Variants in HPN observed in about 807,000 individuals in gnomAD.
HPN encodes the protein hepsin.
A neutral mutation model predicts 55.9 loss-of-function variants in HPN; 13 were observed. The observed-to-expected ratio is 0.23, with a 90% CI of 0.15 to 0.37. The LOEUF (loss-of-function observed/expected upper bound fraction) is 0.37, where lower values mean the gene tolerates loss of function less well. Ranked by LOEUF, HPN falls within the 10% of genes least tolerant of loss-of-function variation. The pLI is 1.00. For missense variants in HPN, 451 were observed against 575.8 expected, an observed-to-expected ratio of 0.78 and a Z score of 2.22; for synonymous variants, 225 against 240.3, an observed-to-expected ratio of 0.94 and a Z score of 0.59.
At chr19:35,045,553 G>A (rs1312286153) in intron 2 of HPN, among the ~76,000 whole-genome samples, 2 of 152,156 alleles carry the variant, frequency 1.3e-5, no homozygotes, top group African/African-American at 4.8e-5. Flanking sequence ...GGAGAAGCAG[G>A]GGCAGAGAGT....
At chr19:35,050,414 G>C (rs150398713) in intron 4 of HPN, 1 of 863,264 alleles carries the variant, frequency 1.2e-6, no homozygotes, top group African/African-American at 2.9e-5. Flanking sequence ...GAGCCACTGC[G>C]CCTGTCCCTG....
At position 35,049,404 on chromosome 19, in the gene HPN, C is replaced by G. The variant is rs1359787656; in HGVS notation, c.118+13C>G. 1.2e-6 allele frequency: 2 copies of G among 1,608,950 alleles called. No individual in the cohort carries two copies. The highest frequency in any genetic ancestry group is 2.2e-5 in the South Asian group (2 of 90,588). ...TCCTGGGCCATTGGTGAGAGCGGTT[C>G]CTGTGCCTCTGACCTCCCCTGGCCC... On this transcript the variant is annotated intron_variant, in intron 3 of 12. Coordinates refer to ENST00000672452, the MANE Select transcript of HPN (RefSeq NM_001384133.1).
rs569965828 is a variant in HPN, at chr19:35,059,772, G to C, written c.260G>C (p.Gly87Ala). 1.3e-6 allele frequency: 2 copies of C among 1,587,846 alleles called. No homozygotes were observed. Among genetic ancestry groups the C allele is most frequent in the East Asian group, 2.3e-5 (1 of 44,028 alleles). ...CSSRSNARVA[G>A]LSCEEMGFLR... is the part of the protein sequence containing the mutation. ...TCGCGCTCCAACGCCAGGGTAGCCG[G>C]ACTCAGCTGCGAGGAGATGGGCTTC... The change falls in exon 5 of 13, where the codon GGA becomes GCA. Residue 87 changes from glycine to alanine, a missense_variant. Coordinates refer to ENST00000672452, the MANE Select transcript of HPN (RefSeq NM_001384133.1).
upstream of HPN, chr19:35,041,671 G>A (rs916909202): frequency 6.1e-5 from 70 of 1,149,240 alleles, 1 homozygote; most frequent in East Asian, 1.0e-3. Flanking sequence ...CGAATGGTCC[G>A]GCCCCTCCCC....
chr19:35,051,553 T>C (rs1308852799), intron 4 of HPN, among the ~76,000 whole-genome samples: 4 of 152,124 alleles, frequency 2.6e-5, no homozygotes, highest in Non-Finnish European at 5.9e-5. Flanking sequence ...CATTTTCCTA[T>C]GGGGATGCTG....
chr19:35,062,244 A>G (rs566434454), intron 9 of HPN, among the ~76,000 whole-genome samples: 2 of 152,242 alleles, frequency 1.3e-5, no homozygotes, highest in African/African-American at 4.8e-5. Context: ...GAAGGACACA[A>G]GGTTTCTTGT....
chr19:35,040,721 TCTGGAGAGGTGGGCG>T (rs965030922), upstream of HPN, among the ~76,000 whole-genome samples: 5 of 151,940 alleles, frequency 3.3e-5, no homozygotes, highest in Admixed American at 6.6e-5. Flanking sequence ...AGTGTGAGTC[TCTGGAGAGGTGGGCG>T]CTGGGGAGAA....
chr19:35,045,509 C>T (rs1026560233), intron 2 of HPN, among the ~76,000 whole-genome samples: 1 of 152,068 alleles, frequency 6.6e-6, no homozygotes, highest in African/African-American at 2.4e-5. Flanking sequence ...GAAGAACTGA[C>T]CTATGAGAAG....
intron 4 of HPN, among the ~76,000 whole-genome samples, chr19:35,051,591 C>G (rs922439772): frequency 6.6e-6 from 1 of 152,038 alleles, no homozygotes; most frequent in South Asian, 2.1e-4. Context: ...GTGACTTGCC[C>G]CAGGTCATGG....
intron 4 of HPN, among the ~76,000 whole-genome samples, chr19:35,051,324 G>T (rs2064403155): frequency 6.6e-6 from 1 of 151,796 alleles, no homozygotes; most frequent in African/African-American, 2.4e-5. Context: ...GGCCAGGATG[G>T]TCTCAAACTC....
At chr19:35,065,506 C>T (rs1433259908) in intron 10 of HPN, 33 bp from the exon 11 acceptor site, 1 of 1,611,126 alleles carries the variant, frequency 6.2e-7, no homozygotes, top group Non-Finnish European at 8.5e-7. Flanking sequence ...GTACACCCCC[C>T]AGCTCTGGCC....
At chr19:35,059,357 CT>C in intron 4 of HPN, 1 of 484,566 alleles carries the variant, frequency 2.1e-6, no homozygotes, top group Admixed American at 3.2e-5. Flanking sequence ...TGGTGCACGC[CT>C]GTGGTCCTAG....
At chr19:35,044,461 C>T (rs2064322134) in intron 2 of HPN, among the ~76,000 whole-genome samples, 1 of 152,150 alleles carries the variant, frequency 6.6e-6, no homozygotes. Flanking sequence ...AAGAGGTGTG[C>T]AAGCTGGACC....
chr19:35,048,082 A>AAGAAAGAAAGAAAGAGAAGG (rs111546288), intron 2 of HPN, among the ~76,000 whole-genome samples: 1 of 96,984 alleles, frequency 1.0e-5, no homozygotes, highest in African/African-American at 4.0e-5. Flanking sequence ...GAAAGAAAGA[A>AAGAAAGAAAGAAAGAGAAGG]AAGGAAGGAA....
intron 9 of HPN, among the ~76,000 whole-genome samples, chr19:35,063,176 A>G (rs1488805492): frequency 1.3e-5 from 2 of 152,202 alleles, no homozygotes; most frequent in East Asian, 1.9e-4. Flanking sequence ...TCCACCCAGG[A>G]AAAGGTCCCA....
At chr19:35,053,474 G>T (rs953479607) in intron 4 of HPN, among the ~76,000 whole-genome samples, 4 of 151,956 alleles carry the variant, frequency 2.6e-5, no homozygotes, top group Admixed American at 6.6e-5. Context: ...AGGCCAGGCC[G>T]GTGCGGTGGC....
chr19:35,065,795 C>A (rs1220272163), intron 11 of HPN, 73 bp from the exon 12 acceptor site: 4 of 1,535,346 alleles, frequency 2.6e-6, no homozygotes, highest in Middle Eastern at 1.9e-4. Flanking sequence ...GGGGCCACAG[C>A]CCATGTCATC....
chr19:35,040,597 CAG>C (rs1300953747), upstream of HPN: 1 of 152,674 alleles, frequency 6.5e-6, no homozygotes, highest in Non-Finnish European at 1.5e-5. Flanking sequence ...GCCATGGGCT[CAG>C]GGGTGAGGGA....
chr19:35,042,355 C>G, intron 1 of HPN, 98 bp from the exon 2 acceptor site: 1 of 1,453,660 alleles, frequency 6.9e-7, no homozygotes, highest in Non-Finnish European at 9.0e-7. Context: ...AGGCCCAGTC[C>G]CTACAGCCTG....
Sources: allele counts gnomAD v4.1 joint callset (sites outside exome capture counted in the v4.1 genomes callset), GRCh38; gene constraint gnomAD v4.1.1; transcripts MANE v1.5; gene names NCBI Gene and HGNC (gene_info 2026-07-23, HGNC 2026-07-21).